CCDC171: variants seen among roughly 807,000 people sequenced by gnomAD.
The protein encoded by CCDC171 is coiled-coil domain-containing protein 171.
A neutral mutation model predicts 168.2 loss-of-function variants in CCDC171; 177 were observed. That is an observed-to-expected ratio of 1.05 (90% CI 0.93 to 1.19). The LOEUF is 1.19. Among genes scored for constraint, CCDC171 ranks in the 50% most tolerant of loss-of-function variants. The pLI, the probability that CCDC171 is intolerant of heterozygous loss-of-function variation, is 0.00. For missense variants in CCDC171, 1,991 were observed against 1,539.0 expected, an observed-to-expected ratio of 1.29 and a Z score of -4.91; for synonymous variants, 687 against 540.8, an observed-to-expected ratio of 1.27 and a Z score of -3.75.
At chr9:15,581,412 C>T (rs1265403531) in intron 4 of CCDC171, among the ~76,000 whole-genome samples, 1 of 152,080 alleles carries the variant, frequency 6.6e-6, no homozygotes, top group Non-Finnish European at 1.5e-5. Flanking sequence ...GCTTTCTTCA[C>T]AGAACTGGAA....
the CCDC171 span, among the ~76,000 whole-genome samples, chr9:16,102,586 C>T: frequency 6.6e-6 from 1 of 152,132 alleles, no homozygotes; most frequent in Non-Finnish European, 1.5e-5. Context: ...GATTAAGTTT[C>T]TGTGAAGATC....
At chr9:15,812,336 G>C (rs2059392487) in intron 21 of CCDC171, among the ~76,000 whole-genome samples, 2 of 152,132 alleles carry the variant, frequency 1.3e-5, no homozygotes, top group South Asian at 4.1e-4. Context: ...TATAGAAACA[G>C]GGAAACTGGT....
intron 8 of CCDC171, among the ~76,000 whole-genome samples, chr9:16,037,252 A>G (rs1833488509): frequency 6.6e-6 from 1 of 152,262 alleles, no homozygotes; most frequent in Admixed American, 6.5e-5. Context: ...GCCACTCTGT[A>G]CCCAATAAAT....
chr9:15,612,257 C>G (rs947087470), intron 6 of CCDC171, among the ~76,000 whole-genome samples: 1 of 152,162 alleles, frequency 6.6e-6, no homozygotes, highest in Non-Finnish European at 1.5e-5. Flanking sequence ...TGCTACTAGG[C>G]TTCTCTTTTT....
intron 3 of CCDC171, among the ~76,000 whole-genome samples, chr9:16,012,763 C>A (rs933830259): frequency 6.6e-6 from 1 of 152,076 alleles, no homozygotes; most frequent in African/African-American, 2.4e-5. Context: ...CATTCTTATT[C>A]ATGTTTGAGA....
intron 6 of CCDC171, among the ~76,000 whole-genome samples, chr9:15,601,504 G>T (rs1200069222): frequency 2.0e-5 from 3 of 152,124 alleles, no homozygotes; most frequent in African/African-American, 7.2e-5. Flanking sequence ...TAGTTAATTA[G>T]TTCATTAGTT....
intron 10 of CCDC171, among the ~76,000 whole-genome samples, chr9:15,691,872 C>A (rs1447017832): frequency 2.0e-5 from 3 of 151,904 alleles, no homozygotes; most frequent in Non-Finnish European, 4.4e-5. Flanking sequence ...GAGATGGGAT[C>A]TCACTATGTT....
At chr9:15,879,599 T>A (rs1480013716) in intron 24 of CCDC171, among the ~76,000 whole-genome samples, 1 of 152,200 alleles carries the variant, frequency 6.6e-6, no homozygotes, top group Non-Finnish European at 1.5e-5. Flanking sequence ...TTTGTGTGCA[T>A]TGTTTTTTAA....
chr9:15,869,327 C>T (rs1030804808), intron 23 of CCDC171, among the ~76,000 whole-genome samples: 5 of 151,930 alleles, frequency 3.3e-5, no homozygotes, highest in Non-Finnish European at 5.9e-5. Flanking sequence ...CATCCTATCC[C>T]TGAATATCAT....
At chr9:16,069,090 T>C in the CCDC171 span, among the ~76,000 whole-genome samples, 2 of 152,236 alleles carry the variant, frequency 1.3e-5, no homozygotes, top group African/African-American at 2.4e-5. Context: ...TCCTGCCCCA[T>C]GTAAGTGACT....
intron 1 of CCDC171, among the ~76,000 whole-genome samples, chr9:16,046,716 C>G (rs562550407): frequency 2.0e-4 from 30 of 152,258 alleles, no homozygotes; most frequent in Admixed American, 5.2e-4. Context: ...TTTCACTTGG[C>G]TCTCTCATTC....
chr9:15,696,150 T>C (rs571067181), intron 11 of CCDC171, among the ~76,000 whole-genome samples: 21 of 152,274 alleles, frequency 1.4e-4, no homozygotes, highest in African/African-American at 3.4e-4. Context: ...CTCTTAAAAA[T>C]TGAGAAATTT....
chr9:16,042,618 G>A (rs1453373435), upstream of CCDC171, among the ~76,000 whole-genome samples: 1 of 152,152 alleles, frequency 6.6e-6, no homozygotes, highest in Admixed American at 6.5e-5. Context: ...GCACATTTGA[G>A]TTCAATACAG....
In CCDC171 at chr9:15,581,601, G is replaced by A. The variant is rs560919014; in HGVS notation, c.352+2578G>A. ...AACAGATATATAGACCAATGGAACA[G>A]AACAGAGCCCTCAGAAATAACACCA... On this transcript the variant is annotated intron_variant, in intron 4 of 25. Transcript: ENST00000380701. 3.1e-4 allele frequency among the ~76,000 whole-genome samples: 47 copies of A among 152,258 alleles called. 1 individual carries two copies. The highest frequency in any genetic ancestry group is 6.8e-3 in the Middle Eastern group (2 of 294).
intron 24 of CCDC171, among the ~76,000 whole-genome samples, chr9:15,898,295 GC>G (rs1821166148): frequency 6.6e-6 from 1 of 152,126 alleles, no homozygotes; most frequent in Non-Finnish European, 1.5e-5. Context: ...CTCCTTTGGG[GC>G]TTACATGGGT....
chr9:16,010,216 C>T (rs889598339), intron 3 of CCDC171, among the ~76,000 whole-genome samples: 2 of 152,090 alleles, frequency 1.3e-5, no homozygotes, highest in African/African-American at 4.8e-5. Context: ...CCCAGCTCCT[C>T]CACAGAATAG....
rs954536234 is a variant in CCDC171, at chr9:15,745,544, C to A, written c.2584C>A (p.Gln862Lys). 1 of 1,587,940 alleles carries A rather than the reference C, an allele frequency of 6.3e-7. No individual in the cohort carries two copies. The part of the protein sequence containing the change: ...KHQKEQLRCL[Q>K]ALSWLTSSDL... ...TCAAAAGGAGCAGTTGCGTTGTTTA[C>A]AAGCGCTCAGTTGGCTCACCAGTTC... The change falls in exon 18 of 26, where the codon CAA becomes AAA. Residue 862 changes from glutamine (Q) to lysine (K), a missense_variant. Coordinates refer to ENST00000380701, the MANE Select transcript of CCDC171 (RefSeq NM_173550.4).
chr9:15,909,913 A>G (rs1408226580), intron 24 of CCDC171, among the ~76,000 whole-genome samples: 1 of 152,060 alleles, frequency 6.6e-6, no homozygotes, highest in African/African-American at 2.4e-5. Flanking sequence ...CTGCTCTTTT[A>G]GTATATCCAT....
intron 25 of CCDC171, among the ~76,000 whole-genome samples, chr9:15,967,815 A>T (rs961805268): frequency 6.6e-6 from 1 of 152,212 alleles, no homozygotes; most frequent in Non-Finnish European, 1.5e-5. Flanking sequence ...CTCACTTTTT[A>T]TAATACTAAA....
Sources: gnomAD v4.1 joint callset for allele counts (sites outside exome capture counted in the v4.1 genomes callset) on GRCh38, gnomAD v4.1.1 for gene constraint, MANE v1.5 for transcripts, NCBI Gene and HGNC (gene_info 2026-07-23, HGNC 2026-07-21) for gene names.